Variants in LRPPRC observed in about 807,000 individuals in gnomAD.
LRPPRC encodes the protein leucine-rich PPR motif-containing protein, mitochondrial.
Under a neutral mutation model 180.3 loss-of-function variants are expected in LRPPRC, and 120 were observed. That is an observed-to-expected ratio of 0.67 (90% CI 0.57 to 0.77). LRPPRC has a LOEUF of 0.77. Ranked by LOEUF, LRPPRC falls within the 30% of genes least tolerant of loss-of-function variation. LRPPRC has a pLI of 0.00. For synonymous variants in LRPPRC, 723 were observed against 600.0 expected (o/e 1.21, Z -3.00); for missense variants, 2,012 against 1,657.2 (o/e 1.21, Z -3.72).
intron 36 of LRPPRC, among the ~76,000 whole-genome samples, chr2:43,890,893 G>A (rs1670467955): frequency 6.6e-6 from 1 of 152,136 alleles, no homozygotes. Flanking sequence ...ATTACTGCTG[G>A]TAATTCAACT....
intron 31 of LRPPRC, chr2:43,901,813 A>C: frequency 2.8e-6 from 1 of 357,500 alleles, no homozygotes; most frequent in Non-Finnish European, 5.1e-6. Flanking sequence ...TTCAGTGACT[A>C]AAGTTGGTAA....
intron 29 of LRPPRC, among the ~76,000 whole-genome samples, chr2:43,917,546 T>A (rs1002154121): frequency 2.6e-5 from 4 of 152,000 alleles, no homozygotes; most frequent in African/African-American, 7.2e-5. Context: ...TCCCAGCACT[T>A]TGGGAGGCCG....
At chr2:43,974,807 T>C in intron 7 of LRPPRC, 49 bp from the exon 8 acceptor site, 1 of 1,562,624 alleles carries the variant, frequency 6.4e-7, no homozygotes, top group Admixed American at 1.7e-5. Flanking sequence ...TGTTTTTATT[T>C]AAGTATTAAA....
intron 37 of LRPPRC, among the ~76,000 whole-genome samples, chr2:43,889,247 G>C (rs562299814): frequency 7.1e-4 from 101 of 142,696 alleles, no homozygotes; most frequent in Non-Finnish European, 1.2e-3. Context: ...CCTGGGAGGC[G>C]GAGGTTGCAG....
At chr2:43,983,013 C>T (rs1267613539) in intron 1 of LRPPRC, among the ~76,000 whole-genome samples, 3 of 151,802 alleles carry the variant, frequency 2.0e-5, no homozygotes, top group African/African-American at 4.8e-5. Flanking sequence ...AGTGATAAGG[C>T]TCTTAATTCT....
At position 43,918,795 on chromosome 2, in the gene LRPPRC, A is replaced by ATCTC. The variant is rs1572917973; in HGVS notation, c.2897-398_2897-397insGAGA. On this transcript the variant is annotated intron_variant, in intron 27 of 37. Coordinates refer to ENST00000260665, the MANE Select transcript of LRPPRC (RefSeq NM_133259.4). ...CCTGGAAATATATATATATATAGAT[A>ATCTC]TATATATATATATAGATATATATAT... Among the ~76,000 whole-genome samples the ATCTC allele has an allele frequency of 1.7e-4, 5 of 28,848 alleles. No homozygotes were observed. In the African/African-American group the frequency reaches 1.9e-3, roughly 11 times the overall value. 18.9% of individuals were successfully genotyped at this position (28,848 alleles called of 152,430 possible). A position where few individuals can be genotyped will look rare whatever the true frequency, so the allele number is the denominator to read the frequency against.
chr2:43,989,833 T>C (rs1213260374), intron 1 of LRPPRC, among the ~76,000 whole-genome samples: 1 of 152,244 alleles, frequency 6.6e-6, no homozygotes, highest in Non-Finnish European at 1.5e-5. Context: ...GAATAAATTA[T>C]ACTTCTAACC....
intron 13 of LRPPRC, among the ~76,000 whole-genome samples, chr2:43,959,792 G>A (rs973909971): frequency 6.6e-6 from 1 of 152,154 alleles, no homozygotes; most frequent in Non-Finnish European, 1.5e-5. Context: ...GCTGAGGCAG[G>A]AGAATCGCTT....
rs979843383 is a variant in LRPPRC, at chr2:43,887,339, C to A, written c.*1261G>T. ...AGCCTGGCCAATACCATGATGACATCTACTTCCTGGCTTCCCGCCATCAAC... is the reference window on the plus strand; with the variant it reads ...AGCCTGGCCAATACCATGATGACATATACTTCCTGGCTTCCCGCCATCAAC... On this transcript the variant is annotated 3_prime_UTR_variant, in exon 38 of 38. Coordinates refer to ENST00000260665, the MANE Select transcript of LRPPRC (RefSeq NM_133259.4). The A allele has an allele frequency of 8.5e-5, 13 of 152,164 alleles. No individual in the cohort carries two copies. The highest frequency in any genetic ancestry group is 2.9e-4 in the African/African-American group (12 of 41,434). 9.4% of individuals were successfully genotyped at this position (152,164 alleles called of 1,614,324 possible).
chr2:43,986,701 T>G (rs929033409), intron 1 of LRPPRC, among the ~76,000 whole-genome samples: 2 of 97,704 alleles, frequency 2.0e-5, no homozygotes, highest in Admixed American at 1.9e-4. Context: ...TCAGACGGTC[T>G]CATTCTGAGA....
At chr2:43,969,361 G>A (rs901259467) in intron 11 of LRPPRC, among the ~76,000 whole-genome samples, 7 of 149,022 alleles carry the variant, frequency 4.7e-5, no homozygotes, top group East Asian at 4.0e-4. Flanking sequence ...GCAGTGAGCC[G>A]ACATCACCAC....
At chr2:43,968,453 G>A (rs1673654139) in intron 11 of LRPPRC, among the ~76,000 whole-genome samples, 1 of 152,162 alleles carries the variant, frequency 6.6e-6, no homozygotes, top group Non-Finnish European at 1.5e-5. Flanking sequence ...AATTCTTAGG[G>A]CAAGATTGCA....
intron 25 of LRPPRC, among the ~76,000 whole-genome samples, chr2:43,928,790 C>T (rs1274069598): frequency 6.6e-6 from 1 of 151,920 alleles, no homozygotes; most frequent in East Asian, 1.9e-4. Flanking sequence ...AACATCCCCA[C>T]CCCAACCCAA....
chr2:43,956,478 C>CGTGTGTGTGTGTGTGTGTGTGTGTGT lies in LRPPRC; in HGVS notation c.1649+881_1649+906dup, dbSNP rs56919652. On this transcript the variant is annotated intron_variant, in intron 14 of 37. Coordinates refer to ENST00000260665, the MANE Select transcript of LRPPRC (RefSeq NM_133259.4). ...AGTGGTTCAGCCAAAAAGAAAAAAA[C>CGTGTGTGTGTGTGTGTGTGTGTGTGT]GTGTGTGTGTGTGTGTGTGTGTGTG... Among the ~76,000 whole-genome samples, 309 of 142,550 alleles carry CGTGTGTGTGTGTGTGTGTGTGTGTGT rather than the reference C, an allele frequency of 2.2e-3. 5 individuals carry two copies. Among genetic ancestry groups the CGTGTGTGTGTGTGTGTGTGTGTGTGT allele is most frequent in the Admixed American group, 0.016 (227 of 13,922 alleles). The allele number at this position is 142,550 out of a possible 152,430, so 93.5% of individuals were successfully genotyped here. A position where few individuals can be genotyped will look rare whatever the true frequency, so the allele number is the denominator to read the frequency against.
At chr2:43,914,983 C>T (rs1173028981) in intron 29 of LRPPRC, among the ~76,000 whole-genome samples, 2 of 143,420 alleles carry the variant, frequency 1.4e-5, no homozygotes, top group African/African-American at 5.2e-5. Context: ...CTCAGGTGGG[C>T]GATCACTTGA....
intron 23 of LRPPRC, among the ~76,000 whole-genome samples, chr2:43,942,136 G>A (rs1031150606): frequency 6.6e-6 from 1 of 152,138 alleles, no homozygotes; most frequent in Middle Eastern, 3.4e-3. Flanking sequence ...ACCTCTTTCG[G>A]AAAGCTTTCA....
intron 11 of LRPPRC, chr2:43,963,942 T>C (rs753344935): frequency 1.8e-5 from 10 of 565,406 alleles, no homozygotes; most frequent in East Asian, 3.0e-5. Context: ...CTTGAAATTA[T>C]AAGTATAAAG....
At chr2:43,926,146 A>G (rs548343842) in intron 25 of LRPPRC, among the ~76,000 whole-genome samples, 185 bp from the exon 26 acceptor site, 113 of 152,336 alleles carry the variant, frequency 7.4e-4, no homozygotes, top group Admixed American at 1.1e-3. Flanking sequence ...AATACAAACT[A>G]TAATTAACCC....
rs1296432121 is a variant in LRPPRC at position 43,889,878 on chromosome 2, T to G, written c.3986-2A>C. 1 of 1,600,888 alleles carries G rather than the reference T, an allele frequency of 6.2e-7. No homozygotes were observed. Among genetic ancestry groups the G allele is most frequent in the Non-Finnish European group, 8.6e-7 (1 of 1,168,034 alleles). On this transcript the variant is annotated splice_acceptor_variant, in intron 36 of 37. Coordinates refer to ENST00000260665, the MANE Select transcript of LRPPRC (RefSeq NM_133259.4). LOFTEE classifies it high-confidence loss of function. ...CAGATGTGACATCTTTCTCTGAGAC[T>G]GACATAAAGAAAAAAATATATTAAT...
Sources: gnomAD v4.1 joint callset for allele counts (sites outside exome capture counted in the v4.1 genomes callset) on GRCh38, gnomAD v4.1.1 for gene constraint, MANE v1.5 for transcripts, NCBI Gene and HGNC (gene_info 2026-07-23, HGNC 2026-07-21) for gene names.